GPHN: variants seen among roughly 807,000 people sequenced by gnomAD.
The protein encoded by GPHN is gephyrin.
In GPHN, 17 loss-of-function variants were observed where a neutral mutation model predicts 95.5. The ratio of observed to expected loss-of-function variants is 0.18; its 90% confidence interval spans 0.12 to 0.27. The LOEUF (loss-of-function observed/expected upper bound fraction) is 0.27. Among genes scored for constraint, GPHN ranks in the 10% least tolerant of loss-of-function variants. The probability of loss-of-function intolerance (pLI) is 1.00; values close to 1 mark genes in which losing one functional copy is unlikely to be tolerated. For synonymous variants in GPHN, 320 were observed against 322.5 expected (o/e 0.99, Z 0.08); for missense variants, 660 against 978.1 (o/e 0.67, Z 4.34).
the GPHN span, among the ~76,000 whole-genome samples, chr14:67,259,978 G>C: frequency 3.3e-5 from 5 of 151,854 alleles, no homozygotes; most frequent in African/African-American, 1.2e-4. Flanking sequence ...CATTCTACCA[G>C]AATTTATAGT....
chr14:67,035,493 A>C (rs1046061377), intron 10 of GPHN, among the ~76,000 whole-genome samples: 1 of 151,916 alleles, frequency 6.6e-6, no homozygotes, highest in Non-Finnish European at 1.5e-5. Context: ...ACAAACTCTT[A>C]GCTAGACAGA....
the GPHN span, among the ~76,000 whole-genome samples, chr14:67,496,399 T>TTTTTTTG: frequency 9.0e-4 from 110 of 122,096 alleles, 6 homozygotes; most frequent in South Asian, 5.7e-3. Flanking sequence ...GCGTTTTTTT[T>TTTTTTTG]TTTTTTTTTT....
At chr14:66,571,825 AAAAC>A (rs1465322340) in intron 1 of GPHN, among the ~76,000 whole-genome samples, 17 of 152,158 alleles carry the variant, frequency 1.1e-4, no homozygotes, top group Non-Finnish European at 1.0e-4. Context: ...ATGAAAACAA[AAAAC>A]AAACAAAATA....
chr14:66,741,388 CT>C (rs1257127382), intron 2 of GPHN, among the ~76,000 whole-genome samples: 2 of 152,158 alleles, frequency 1.3e-5, no homozygotes, highest in South Asian at 2.1e-4. Flanking sequence ...CATATACAGT[CT>C]TTGATGAGAT....
the GPHN span, among the ~76,000 whole-genome samples, chr14:67,703,629 A>C: frequency 6.6e-6 from 1 of 152,178 alleles, no homozygotes; most frequent in Non-Finnish European, 1.5e-5. Flanking sequence ...TGTGCACAAC[A>C]ATGGGCCATA....
At chr14:67,338,465 C>A in the GPHN span, 1 of 782,630 alleles carries the variant, frequency 1.3e-6, no homozygotes, top group Non-Finnish European at 2.0e-6. Context: ...AATTATGATT[C>A]TGCAAAAGTA....
At chr14:67,135,757 C>A (rs2080041331) in intron 17 of GPHN, among the ~76,000 whole-genome samples, 1 of 152,040 alleles carries the variant, frequency 6.6e-6, no homozygotes, top group Non-Finnish European at 1.5e-5. Context: ...TCCAACTCTT[C>A]TCAAATAAAT....
intron 18 of GPHN, among the ~76,000 whole-genome samples, chr14:67,150,464 A>ACAAAACAAAACAAAAC (rs772495010): frequency 2.9e-5 from 4 of 136,098 alleles, no homozygotes; most frequent in Non-Finnish European, 6.7e-5. Flanking sequence ...AAAAAAAAAA[A>ACAAAACAAAACAAAAC]AAAAAAAAAC....
At chr14:66,785,894 AG>A (rs1434324939) in intron 3 of GPHN, among the ~76,000 whole-genome samples, 3 of 152,244 alleles carry the variant, frequency 2.0e-5, no homozygotes, top group Admixed American at 2.0e-4. Flanking sequence ...TCTGTAAAGC[AG>A]TGAAAGCAGG....
intron 2 of GPHN, among the ~76,000 whole-genome samples, chr14:66,759,180 G>T (rs929761259): frequency 6.6e-6 from 1 of 152,182 alleles, no homozygotes; most frequent in Non-Finnish European, 1.5e-5. Context: ...CCCAGCCATG[G>T]GTTTCTACCC....
chr14:66,913,636 G>T (rs552705484), intron 5 of GPHN, among the ~76,000 whole-genome samples: 1 of 152,034 alleles, frequency 6.6e-6, no homozygotes, highest in African/African-American at 2.4e-5. Context: ...CACCACACTG[G>T]CTACTTTTTT....
At chr14:66,946,416 C>CT (rs1334297653) in intron 8 of GPHN, among the ~76,000 whole-genome samples, 2 of 151,944 alleles carry the variant, frequency 1.3e-5, no homozygotes, top group African/African-American at 4.8e-5. Context: ...TTTATTTTTT[C>CT]TTTTTTTGAC....
chr14:67,491,895 G>A, the GPHN span, among the ~76,000 whole-genome samples: 5 of 152,202 alleles, frequency 3.3e-5, no homozygotes, highest in East Asian at 3.9e-4. Flanking sequence ...CCCAGGCCGC[G>A]GGGGCCTGCC....
chr14:67,337,812 C>G, the GPHN span: 5 of 152,184 alleles, frequency 3.3e-5, no homozygotes. Flanking sequence ...ATTTCTTACT[C>G]TAAAATAGGA....
chr14:67,096,495 T>G (rs1299064870), intron 12 of GPHN, among the ~76,000 whole-genome samples: 1 of 152,186 alleles, frequency 6.6e-6, no homozygotes, highest in Non-Finnish European at 1.5e-5. Context: ...AAAAACTTTT[T>G]GAGAATGCCA....
chr14:66,850,556 A>G (rs1234249147), intron 4 of GPHN, among the ~76,000 whole-genome samples: 4 of 152,092 alleles, frequency 2.6e-5, no homozygotes, highest in African/African-American at 9.7e-5. Flanking sequence ...CAACCAGGGT[A>G]AATTTTGGTT....
intron 5 of GPHN, among the ~76,000 whole-genome samples, chr14:66,895,839 T>C (rs553171895): frequency 1.3e-5 from 2 of 152,246 alleles, no homozygotes; most frequent in Non-Finnish European, 2.9e-5. Flanking sequence ...AGCAAAGATA[T>C]TGGTAAATAT....
At chr14:67,586,335 T>G in the GPHN span, 1 of 1,394,012 alleles carries the variant, frequency 7.2e-7, no homozygotes, top group Non-Finnish European at 9.7e-7. Context: ...GCTACTATTA[T>G]GCTCTTCACT....
chr14:66,836,154 A>G (rs1208947951), intron 4 of GPHN, among the ~76,000 whole-genome samples: 1 of 131,810 alleles, frequency 7.6e-6, no homozygotes, highest in South Asian at 2.4e-4. Flanking sequence ...AAGCCAAAAG[A>G]ACAAAGCTGG....
Sources: gnomAD v4.1 joint callset for allele counts (sites outside exome capture counted in the v4.1 genomes callset) on GRCh38, gnomAD v4.1.1 for gene constraint, MANE v1.5 for transcripts, NCBI Gene and HGNC (gene_info 2026-07-23, HGNC 2026-07-21) for gene names.